The following WIPF1 variants were observed in gnomAD, a reference collection of about 807,000 sequenced individuals.
WIPF1 encodes WAS/WASL interacting protein family member 1.
WIPF1 carries 13 observed loss-of-function variants against 35.4 expected under a neutral mutation model. That is an observed-to-expected ratio of 0.37 (90% CI 0.24 to 0.58). The LOEUF is 0.58. Ranked by LOEUF, WIPF1 falls within the 20% of genes least tolerant of loss-of-function variation. The pLI, the probability that WIPF1 is intolerant of heterozygous loss-of-function variation, is 0.74. For missense variants in WIPF1, 591 were observed against 667.0 expected, an observed-to-expected ratio of 0.89 and a Z score of 1.25; for synonymous variants, 267 against 266.3, an observed-to-expected ratio of 1.00 and a Z score of -0.02.
intron 1 of WIPF1, among the ~76,000 whole-genome samples, chr2:174,658,756 C>A (rs559134233): frequency 1.1e-4 from 17 of 151,766 alleles, no homozygotes; most frequent in South Asian, 6.2e-4. Flanking sequence ...GGTGGAGCCC[C>A]CCACAGAAGG....
At chr2:174,565,720 G>T (rs1261256615) in intron 7 of WIPF1, among the ~76,000 whole-genome samples, 1 of 152,106 alleles carries the variant, frequency 6.6e-6, no homozygotes, top group Non-Finnish European at 1.5e-5. Context: ...TAGGGAGTGG[G>T]GCCATCGCTA....
At chr2:174,619,938 T>C (rs1231160657) in intron 1 of WIPF1, among the ~76,000 whole-genome samples, 3 of 148,108 alleles carry the variant, frequency 2.0e-5, no homozygotes, top group Non-Finnish European at 4.5e-5. Context: ...CAAGACTCTG[T>C]CTCAAGAAAA....
chr2:174,670,023 G>C (rs532173613), intron 1 of WIPF1, among the ~76,000 whole-genome samples: 6 of 152,320 alleles, frequency 3.9e-5, no homozygotes, highest in African/African-American at 1.4e-4. Flanking sequence ...GGGCACTCTT[G>C]CAAGAGTAAG....
intron 1 of WIPF1, among the ~76,000 whole-genome samples, chr2:174,612,065 A>T (rs1275520183): frequency 1.3e-5 from 2 of 151,952 alleles, no homozygotes; most frequent in Non-Finnish European, 2.9e-5. Context: ...ATTTTTACAA[A>T]TTTTTTATTT....
intron 1 of WIPF1, among the ~76,000 whole-genome samples, chr2:174,595,088 C>CAAAA (rs57521272): frequency 0.16 from 831 of 5,060 alleles, 315 homozygotes; most frequent in Non-Finnish European, 0.24. Flanking sequence ...CTCATCTCTA[C>CAAAA]AAAAAAAAAA....
chr2:174,618,460 G>A (rs1686578423), intron 1 of WIPF1, among the ~76,000 whole-genome samples: 1 of 152,162 alleles, frequency 6.6e-6, no homozygotes, highest in South Asian at 2.1e-4. Context: ...CCATCTCCTG[G>A]AACTGAGGGT....
At chr2:174,629,191 T>C (rs1343527530) in intron 1 of WIPF1, among the ~76,000 whole-genome samples, 1 of 152,186 alleles carries the variant, frequency 6.6e-6, no homozygotes, top group African/African-American at 2.4e-5. Context: ...GCAACTGCAC[T>C]CCAGATGGAG....
chr2:174,601,889 G>T (rs552203888), upstream of WIPF1, among the ~76,000 whole-genome samples: 8 of 152,172 alleles, frequency 5.3e-5, no homozygotes, highest in Non-Finnish European at 2.9e-5. Context: ...ACTGTCCAGC[G>T]CCATTAATGT....
chr2:174,584,723 C>T (rs187413020), intron 2 of WIPF1, among the ~76,000 whole-genome samples: 1 of 150,720 alleles, frequency 6.6e-6, no homozygotes, highest in African/African-American at 2.5e-5. Flanking sequence ...ACAAGCCTGG[C>T]CAACATGGTG....
chr2:174,664,558 T>A (rs942495380), intron 1 of WIPF1, among the ~76,000 whole-genome samples: 7 of 152,188 alleles, frequency 4.6e-5, no homozygotes, highest in African/African-American at 1.7e-4. Context: ...AAATGAGCAG[T>A]AGGGGAAAAC....
intron 3 of WIPF1, among the ~76,000 whole-genome samples, chr2:174,576,528 C>T (rs567321564): frequency 6.6e-6 from 1 of 151,976 alleles, no homozygotes; most frequent in African/African-American, 2.4e-5. Flanking sequence ...TCATGAAGCC[C>T]AATAGTAGGC....
intron 1 of WIPF1, among the ~76,000 whole-genome samples, chr2:174,666,955 A>G (rs1382255448): frequency 6.6e-6 from 1 of 152,262 alleles, no homozygotes; most frequent in Non-Finnish European, 1.5e-5. Flanking sequence ...CCCTCTGACT[A>G]AGAACAATGT....
At chr2:174,576,153 A>C (rs2105817910) in intron 3 of WIPF1, among the ~76,000 whole-genome samples, 1 of 149,264 alleles carries the variant, frequency 6.7e-6, no homozygotes, top group African/African-American at 2.5e-5. Flanking sequence ...AGTCCCAGCT[A>C]CTTAAGAGGC....
upstream of WIPF1, among the ~76,000 whole-genome samples, chr2:174,602,758 C>G (rs1258184509): frequency 1.3e-5 from 2 of 152,060 alleles, no homozygotes; most frequent in Non-Finnish European, 2.9e-5. Flanking sequence ...TATTCTGCAC[C>G]CTGTTAATAT....
intron 1 of WIPF1, among the ~76,000 whole-genome samples, chr2:174,608,531 T>C (rs1248661197): frequency 6.6e-6 from 1 of 152,116 alleles, no homozygotes; most frequent in Non-Finnish European, 1.5e-5. Flanking sequence ...CACTATCTTG[T>C]CTTAGGTAAT....
intron 1 of WIPF1, chr2:174,623,397 A>C (rs1328361506): frequency 6.6e-6 from 1 of 152,194 alleles, no homozygotes; most frequent in Non-Finnish European, 1.5e-5. Context: ...AAGTTCACTC[A>C]CATGTTGTTG....
intron 1 of WIPF1, among the ~76,000 whole-genome samples, chr2:174,653,822 A>C (rs1373641602): frequency 6.6e-6 from 1 of 152,122 alleles, no homozygotes; most frequent in Non-Finnish European, 1.5e-5. Flanking sequence ...CCTGAAAAGA[A>C]AGTTCGGGTC....
chr2:174,643,519 T>C (rs1020769909), intron 1 of WIPF1, among the ~76,000 whole-genome samples: 1 of 148,674 alleles, frequency 6.7e-6, no homozygotes, highest in African/African-American at 2.6e-5. Flanking sequence ...TCCAGGAGAT[T>C]CTCGAGCCTC....
intron 1 of WIPF1, among the ~76,000 whole-genome samples, chr2:174,645,772 A>C (rs1451256403): frequency 6.6e-6 from 1 of 152,260 alleles, no homozygotes; most frequent in African/African-American, 2.4e-5. Flanking sequence ...CTTCTTCGGC[A>C]TAACACAGGG....
Sources: gnomAD v4.1 joint callset for allele counts (sites outside exome capture counted in the v4.1 genomes callset) on GRCh38, gnomAD v4.1.1 for gene constraint, MANE v1.5 for transcripts, NCBI Gene and HGNC (gene_info 2026-07-23, HGNC 2026-07-21) for gene names.